The following ZFHX2 variants were observed in gnomAD, a reference collection of about 807,000 sequenced individuals.
ZFHX2 encodes the protein zinc finger homeobox protein 2.
In ZFHX2, 75 loss-of-function variants were observed where a neutral mutation model predicts 164.8. That is an observed-to-expected ratio of 0.46 (90% CI 0.38 to 0.55). The LOEUF is 0.55. Ranked by LOEUF, ZFHX2 falls within the 20% of genes least tolerant of loss-of-function variation. ZFHX2 has a pLI of 0.00. For missense variants in ZFHX2, 2,933 were observed against 3,308.0 expected, an observed-to-expected ratio of 0.89 and a Z score of 2.78; for synonymous variants, 1,217 against 1,351.4, an observed-to-expected ratio of 0.90 and a Z score of 2.18.
In ZFHX2 at chr14:23,522,335, T is replaced by TGGGTTA; in HGVS notation, c.7340_7345dup (p.Thr2448_His2449insLeuThr). On this transcript the variant is annotated inframe_insertion, in exon 10 of 10. Coordinates refer to ENST00000419474, the MANE Select transcript of ZFHX2 (RefSeq NM_033400.3). ...CTTGCACTGGCGGCACAGGTAGCGA[T>TGGGTTA]GGGTTACATCCACGGTGGAGATGCC... 1 of 1,533,856 alleles carries TGGGTTA rather than the reference T, an allele frequency of 6.5e-7. No homozygotes were observed. Among genetic ancestry groups the TGGGTTA allele is most frequent in the Non-Finnish European group, 8.7e-7 (1 of 1,145,524 alleles).
In ZFHX2 at chr14:23,524,003, A is replaced by G. The variant is rs568151290; in HGVS notation, c.5939T>C (p.Phe1980Ser). ...TATLASGPQPFLPPGKEATTP... is the reference protein window; with the variant it reads ...TATLASGPQPSLPPGKEATTP... ...GGTGGCCTCTTTCCCAGGTGGTAGG[A>G]AAGGCTGGGGCCCAGAAGCAAGCGT... Residue 1980 changes from phenylalanine to serine, a missense_variant, in exon 9 of 10, where the codon TTC becomes TCC. By Grantham distance (155) the Phe-to-Ser change is radical (BLOSUM62 -2). Transcript: ENST00000419474. This position sits in a 1 kb window ranked among gnomAD's most constrained non-coding sequence, Gnocchi z 5.6. 6.9e-5 allele frequency: 105 copies of G among 1,522,116 alleles called. No homozygotes were observed. In the African/African-American group the frequency reaches 1.2e-3, roughly 18 times the overall value. 94.3% of individuals were successfully genotyped at this position (1,522,116 alleles called of 1,614,324 possible). A position where few individuals can be genotyped will look rare whatever the true frequency, so the allele number is the denominator to read the frequency against.
At chr14:23,551,783 C>G (rs561288518), upstream of ZFHX2, 1 of 152,684 alleles carries the variant, frequency 6.5e-6, no homozygotes, top group East Asian at 1.9e-4. The surrounding 1 kb of genome is among the most constrained non-coding windows in gnomAD (Gnocchi z 5.3). Flanking sequence ...ACCCAGGCGC[C>G]CGGGGCTGCC....
At chr14:23,531,839 A>AT (rs1879599151) in intron 3 of ZFHX2, 118 bp from the exon 4 acceptor site, 1 of 1,221,790 alleles carries the variant, frequency 8.2e-7, no homozygotes, top group East Asian at 3.1e-5. Flanking sequence ...GTGCAGTGGC[A>AT]TGATCTCTAC....
In ZFHX2 at chr14:23,523,270, C is replaced by T. The variant is rs946553762; in HGVS notation, c.6672G>A (p.Ala2224=). ...GAGCTGGGCCAGATAAGAGGACCGG[C>T]GCCAGGCGAGGCAAGGTTGGGGCAG... ...LGAAPTLPRL[A]PVLLSGPALA... is the part of the protein sequence containing the mutation. Residue 2224 remains alanine, a synonymous_variant, in exon 9 of 10, where the codon GCG becomes GCA. Coordinates refer to ENST00000419474, the MANE Select transcript of ZFHX2 (RefSeq NM_033400.3). The surrounding 1 kb of genome is among the most constrained non-coding windows in gnomAD (Gnocchi z 4.1). 80 of 1,436,908 alleles carry T rather than the reference C, an allele frequency of 5.6e-5. No individual in the cohort carries two copies. Among genetic ancestry groups the T allele is most frequent in the African/African-American group, 2.3e-4 (16 of 69,806 alleles). The allele number at this position is 1,436,908 out of a possible 1,614,324, so 89.0% of individuals were successfully genotyped here.
Position 23,533,589 on chromosome 14 carries a change from G to T in ZFHX2, c.1737C>A (p.Asn579Lys). The change falls in exon 2 of 10, where the codon AAC (asparagine) becomes AAA (lysine). Residue 579 changes from asparagine to lysine, a missense_variant. Physicochemically the swap from Asn to Lys is moderately conservative, Grantham distance 94. Transcript: ENST00000419474. This position sits in a 1 kb window ranked among gnomAD's most constrained non-coding sequence, Gnocchi z 4.8. Reference sequence around the variant, plus strand: ...TATGGATGCGCAGGTTACGGGAGATGTTTGTCTCGTAGCTGCACACCTTGC... The same window carrying T: ...TATGGATGCGCAGGTTACGGGAGATTTTTGTCTCGTAGCTGCACACCTTGC... ...WQCKVCSYET[N>K]ISRNLRIHMT... 6.5e-7 allele frequency: 1 copy of T among 1,536,696 alleles called. No individual in the cohort carries two copies. Among genetic ancestry groups the T allele is most frequent in the Non-Finnish European group, 8.7e-7 (1 of 1,147,034 alleles).
intron 1 of ZFHX2, among the ~76,000 whole-genome samples, chr14:23,549,498 C>G (rs998808278): frequency 1.3e-5 from 2 of 152,006 alleles, no homozygotes; most frequent in African/African-American, 4.8e-5. Context: ...GAACTTGGCT[C>G]CTTACATACG....
At chr14:23,540,363 C>A (rs1190499635) in intron 1 of ZFHX2, among the ~76,000 whole-genome samples, 2 of 152,164 alleles carry the variant, frequency 1.3e-5, no homozygotes, top group African/African-American at 2.4e-5. Flanking sequence ...AATTTTAGGA[C>A]CTTTTTTTAA....
upstream of ZFHX2, among the ~76,000 whole-genome samples, chr14:23,552,005 A>G (rs1882002025): frequency 6.6e-6 from 1 of 152,182 alleles, no homozygotes; most frequent in Non-Finnish European, 1.5e-5. Flanking sequence ...TGGCCTGCAG[A>G]AACCATACAT....
rs1294952734 is a variant in ZFHX2 at position 23,524,366 on chromosome 14, C to T, written c.5576G>A (p.Arg1859His). ...CTCAGGCAAGATGGTGGTGCGCAGG[C>T]GCTTGTCCCTGGGGGGCTCGCCCTC... ...GGEGEPPRDK[R>H]LRTTILPEQL... Residue 1859 changes from arginine to histidine, a missense_variant, in exon 9 of 10, where the codon CGC becomes CAC. Physicochemically the swap from Arg to His is conservative, Grantham distance 29. Transcript: ENST00000419474. The surrounding 1 kb of genome is among the most constrained non-coding windows in gnomAD (Gnocchi z 5.6). 8.5e-6 allele frequency: 13 copies of T among 1,536,110 alleles called. No individual in the cohort carries two copies. Among genetic ancestry groups the T allele is most frequent in the East Asian group, 2.4e-5 (1 of 40,930 alleles).
At chr14:23,540,493 G>A (rs899138518) in intron 1 of ZFHX2, among the ~76,000 whole-genome samples, 2 of 152,182 alleles carry the variant, frequency 1.3e-5, no homozygotes, top group Non-Finnish European at 2.9e-5. Context: ...TGGAGAGAAG[G>A]GGAAGAGAAA....
In ZFHX2 at chr14:23,522,734, A is replaced by G. The variant is rs1878174353; in HGVS notation, c.6947T>C (p.Val2316Ala). The change falls in exon 10 of 10, where the codon GTT (valine) becomes GCT (alanine). Residue 2316 changes from valine to alanine, a missense_variant. Transcript: ENST00000419474. ...GDKVSSERKP[V>A]AGPTSSSNDA... ...ATTGGAGGAGCTGGTGGGGCCTGCA[A>G]CTGGCTTTCGCTCACTGGAGACCTT... 9.8e-6 allele frequency: 15 copies of G among 1,536,374 alleles called. No individual in the cohort carries two copies. The highest frequency in any genetic ancestry group is 1.3e-5 in the Non-Finnish European group (15 of 1,146,944).
intron 1 of ZFHX2, among the ~76,000 whole-genome samples, chr14:23,544,513 GT>G (rs1881168660): frequency 6.6e-6 from 1 of 152,212 alleles, no homozygotes; most frequent in Admixed American, 6.5e-5. Flanking sequence ...GTTGGTGAAG[GT>G]GCTTGTTCTC....
chr14:23,555,896 G>A (rs1444953570), upstream of ZFHX2: 3 of 152,304 alleles, frequency 2.0e-5, no homozygotes, highest in Admixed American at 6.5e-5. Flanking sequence ...TCAGCTTTAG[G>A]TAGAGTACCG....
chr14:23,554,487 C>T (rs114744720), upstream of ZFHX2, among the ~76,000 whole-genome samples: 749 of 152,160 alleles, frequency 4.9e-3, 8 homozygotes, highest in African/African-American at 0.017. Flanking sequence ...AGCTATCCCG[C>T]TGCCTCAACC....
In ZFHX2 at chr14:23,533,384, C is replaced by T. The variant is rs1366325035; in HGVS notation, c.1942G>A (p.Ala648Thr). The change falls in exon 2 of 10, where the codon GCT (alanine) becomes ACT (threonine). Residue 648 changes from alanine to threonine, a missense_variant. Coordinates refer to ENST00000419474, the MANE Select transcript of ZFHX2 (RefSeq NM_033400.3). The surrounding 1 kb of genome is among the most constrained non-coding windows in gnomAD (Gnocchi z 4.8). ...QALGQPQTPL[A>T]GPGLRPDKPL... is the part of the protein sequence containing the mutation. The stretch of plus-strand genomic sequence containing the variant: ...TTGTCTGGCCTCAGCCCCGGGCCAG[C>T]CAAGGGAGTCTGAGGCTGCCCTAGG... The T allele has an allele frequency of 1.4e-6, 2 of 1,469,106 alleles. No individual in the cohort carries two copies. Among genetic ancestry groups the T allele is most frequent in the East Asian group, 2.5e-5 (1 of 40,252 alleles). The allele number at this position is 1,469,106 out of a possible 1,614,324, so 91.0% of individuals were successfully genotyped here.
At chr14:23,554,911 G>T (rs116864285), upstream of ZFHX2, among the ~76,000 whole-genome samples, 2,615 of 152,266 alleles carry the variant, frequency 0.017, 36 homozygotes, top group Middle Eastern at 0.031. Context: ...AGTCCTCAGA[G>T]GGAGTAAGAA....
At position 23,521,449 on chromosome 14, in the gene ZFHX2, T is replaced by C. The variant is rs1330829647; in HGVS notation, c.*513A>G. The stretch of plus-strand genomic sequence containing the variant: ...GGAAGGAGAAGAGAGAGTGGCGAAG[T>C]TTGTTTTCCTTCCCCCTTCTTTGCC... On this transcript the variant is annotated 3_prime_UTR_variant, in exon 10 of 10. Transcript: ENST00000419474. The C allele has an allele frequency of 6.5e-6, 1 of 154,318 alleles. No individual in the cohort carries two copies. The highest frequency in any genetic ancestry group is 1.4e-5 in the Non-Finnish European group (1 of 69,444). 9.6% of individuals were successfully genotyped at this position (154,318 alleles called of 1,614,324 possible).
At chr14:23,540,543 T>C (rs1326578598) in intron 1 of ZFHX2, among the ~76,000 whole-genome samples, 1 of 152,154 alleles carries the variant, frequency 6.6e-6, no homozygotes, top group Non-Finnish European at 1.5e-5. Context: ...TATGGAGGAT[T>C]GTTTGGTATA....
intron 7 of ZFHX2, 28 bp from the exon 8 acceptor site, chr14:23,527,001 C>T (rs760284614): frequency 2.0e-6 from 3 of 1,478,454 alleles, no homozygotes; most frequent in Non-Finnish European, 2.7e-6. Context: ...CTAGTGGCTT[C>T]ACCACCACCC....
Sources: gnomAD v4.1 joint callset for allele counts (sites outside exome capture counted in the v4.1 genomes callset) on GRCh38, gnomAD v4.1.1 for gene constraint, Gnocchi (gnomAD v3.1) non-coding constraint, MANE v1.5 for transcripts, NCBI Gene and HGNC (gene_info 2026-07-23, HGNC 2026-07-21) for gene names.